The following PDE4B variants were observed in gnomAD, a reference collection of about 807,000 sequenced individuals.
PDE4B encodes the protein phosphodiesterase 4B, also known as 3',5'-cyclic-AMP phosphodiesterase 4B.
In PDE4B, 20 loss-of-function variants were observed where a neutral mutation model predicts 82.2. The ratio of observed to expected loss-of-function variants is 0.24; its 90% CI spans 0.17 to 0.35. The LOEUF (loss-of-function observed/expected upper bound fraction) is 0.35. PDE4B is among the 10% of genes least tolerant of loss of function. The pLI is 1.00. For missense variants in PDE4B, 655 were observed against 907.2 expected, an observed-to-expected ratio of 0.72 and a Z score of 3.57; for synonymous variants, 320 against 318.9, an observed-to-expected ratio of 1.00 and a Z score of -0.04.
intron 3 of PDE4B, among the ~76,000 whole-genome samples, chr1:66,140,311 G>A (rs1230481121): frequency 2.0e-5 from 3 of 152,090 alleles, no homozygotes; most frequent in African/African-American, 7.2e-5. Context: ...CCAGGAACCA[G>A]GAAAGGTCAG....
chr1:65,807,370 A>G (rs1205422088), intron 1 of PDE4B, among the ~76,000 whole-genome samples: 3 of 152,238 alleles, frequency 2.0e-5, no homozygotes, highest in Non-Finnish European at 4.4e-5. Flanking sequence ...ATTGTATTCT[A>G]TTGAATAAGT....
chr1:66,282,323 T>G (rs1656358451), intron 7 of PDE4B, among the ~76,000 whole-genome samples: 2 of 152,182 alleles, frequency 1.3e-5, no homozygotes, highest in South Asian at 4.1e-4. Flanking sequence ...ACTTTTGGGT[T>G]TTGAGTAAGC....
chr1:66,018,140 G>GGGCACGCAC, intron 3 of PDE4B, among the ~76,000 whole-genome samples: 1 of 152,170 alleles, frequency 6.6e-6, no homozygotes, highest in East Asian at 1.9e-4. Context: ...GTTTTAGGCC[G>GGGCACGCAC]GGCACGGTGG....
At chr1:65,899,880 C>T (rs1646952163) in intron 1 of PDE4B, among the ~76,000 whole-genome samples, 1 of 151,590 alleles carries the variant, frequency 6.6e-6, no homozygotes, top group Non-Finnish European at 1.5e-5. Flanking sequence ...GACTCAGGGA[C>T]AAAGGGTGGG....
intron 3 of PDE4B, among the ~76,000 whole-genome samples, chr1:65,942,651 T>TA (rs1212573249): frequency 6.6e-6 from 1 of 152,052 alleles, no homozygotes; most frequent in African/African-American, 2.4e-5. Flanking sequence ...ATCTACACTG[T>TA]AAAAGGGTTT....
At chr1:66,091,612 C>A (rs1006947143) in intron 3 of PDE4B, among the ~76,000 whole-genome samples, 1 of 151,934 alleles carries the variant, frequency 6.6e-6, no homozygotes, top group African/African-American at 2.4e-5. Context: ...TTAGACATAT[C>A]CAGCAGATGA....
intron 1 of PDE4B, among the ~76,000 whole-genome samples, chr1:65,881,119 T>TA (rs1646703307): frequency 6.6e-6 from 1 of 152,202 alleles, no homozygotes; most frequent in Admixed American, 6.5e-5. Flanking sequence ...TGTACCTCTA[T>TA]AAAATGTCCC....
chr1:66,303,785 T>A (rs1658075643), intron 7 of PDE4B, among the ~76,000 whole-genome samples: 1 of 152,138 alleles, frequency 6.6e-6, no homozygotes. Context: ...TTTTTGGAGT[T>A]ACTGGGAAAC....
At chr1:66,286,766 G>T (rs908171383) in intron 7 of PDE4B, among the ~76,000 whole-genome samples, 1 of 152,050 alleles carries the variant, frequency 6.6e-6, no homozygotes, top group Non-Finnish European at 1.5e-5. Flanking sequence ...GCTTCCTTAG[G>T]GAGGACAATA....
intron 3 of PDE4B, among the ~76,000 whole-genome samples, chr1:65,920,082 A>T (rs1387350132): frequency 1.3e-5 from 2 of 152,230 alleles, no homozygotes; most frequent in Non-Finnish European, 2.9e-5. Context: ...CCCCTATAGG[A>T]TACTCAATCA....
chr1:66,318,515 A>G (rs1423017233), intron 7 of PDE4B, among the ~76,000 whole-genome samples: 1 of 152,186 alleles, frequency 6.6e-6, no homozygotes, highest in Non-Finnish European at 1.5e-5. Context: ...TTAGCAAAAA[A>G]TCATTATTTT....
At chr1:65,966,038 T>G (rs970107118) in intron 3 of PDE4B, among the ~76,000 whole-genome samples, 3 of 152,170 alleles carry the variant, frequency 2.0e-5, no homozygotes, top group Non-Finnish European at 4.4e-5. Context: ...GTATTGGAAG[T>G]TCTGGCCAGG....
intron 3 of PDE4B, among the ~76,000 whole-genome samples, chr1:66,127,540 A>G (rs755209470): frequency 6.6e-6 from 1 of 152,150 alleles, no homozygotes; most frequent in Non-Finnish European, 1.5e-5. Context: ...TATATGATTT[A>G]GTTATAGATT....
At chr1:66,334,761 T>C (rs1440648867) in intron 8 of PDE4B, among the ~76,000 whole-genome samples, 1 of 152,254 alleles carries the variant, frequency 6.6e-6, no homozygotes, top group Admixed American at 6.5e-5. Flanking sequence ...ATTATTCAGA[T>C]AATTGTCTCA....
chr1:66,095,347 T>C (rs1249378748), intron 3 of PDE4B, among the ~76,000 whole-genome samples: 2 of 151,912 alleles, frequency 1.3e-5, no homozygotes, highest in African/African-American at 4.8e-5. Context: ...ATAAATGATG[T>C]ATTGTGTCTA....
At chr1:66,223,972 C>T (rs1445456851) in intron 3 of PDE4B, among the ~76,000 whole-genome samples, 2 of 152,164 alleles carry the variant, frequency 1.3e-5, no homozygotes, top group Non-Finnish European at 1.5e-5. Context: ...ATTCAATACC[C>T]TGGTCTTATA....
rs138257025 is a variant in PDE4B at position 66,041,107 on chromosome 1, G to A, written c.281+122272G>A. ...TAGAACTAACCCATACTAAGGTGTT[G>A]TATAGAGGTGGAGTAGGGTGGTGAT... On this transcript the variant is annotated intron_variant, in intron 3 of 16. Coordinates refer to ENST00000341517, the MANE Select transcript of PDE4B (RefSeq NM_002600.4). Among the ~76,000 whole-genome samples, 9 of 152,062 alleles carry A rather than the reference G, an allele frequency of 5.9e-5. No individual in the cohort carries two copies. The East Asian group carries it at 1.7e-3, about 29-fold the overall frequency.
intron 1 of PDE4B, among the ~76,000 whole-genome samples, chr1:65,820,948 A>T (rs978054065): frequency 1.3e-5 from 2 of 152,226 alleles, no homozygotes; most frequent in African/African-American, 4.8e-5. Context: ...AGTCAGGCTT[A>T]ACAGTGCTGC....
intron 4 of PDE4B, among the ~76,000 whole-genome samples, chr1:66,256,777 G>A (rs1342562793): frequency 6.6e-6 from 1 of 152,170 alleles, no homozygotes; most frequent in African/African-American, 2.4e-5. Flanking sequence ...AGGGAAGGTA[G>A]GCCAGACACT....
Sources: allele counts gnomAD v4.1 joint callset (sites outside exome capture counted in the v4.1 genomes callset), GRCh38; gene constraint gnomAD v4.1.1; transcripts MANE v1.5; gene names NCBI Gene and HGNC (gene_info 2026-07-23, HGNC 2026-07-21).